AP3S2: variants seen among roughly 807,000 people sequenced by gnomAD.
AP3S2 encodes the protein AP-3 complex subunit sigma-2.
AP3S2 carries 22 observed loss-of-function variants against 23.4 expected under a neutral mutation model. That is an observed-to-expected ratio of 0.94 (90% CI 0.67 to 1.34). The LOEUF is 1.34. Ranked by LOEUF, AP3S2 falls within the 40% of genes most tolerant of loss-of-function variation. AP3S2 has a pLI of 0.00. For synonymous variants in AP3S2, 86 were observed against 87.1 expected (o/e 0.99, Z 0.07); for missense variants, 241 against 236.9 (o/e 1.02, Z -0.11).
At chr15:89,878,343 G>C in intron 3 of AP3S2, 1 of 613,600 alleles carries the variant, frequency 1.6e-6, no homozygotes, top group Non-Finnish European at 2.8e-6. Flanking sequence ...GAAAATATTT[G>C]CAATAAATAT....
chr15:89,888,426 A>G (rs1043494946), intron 3 of AP3S2, 95 bp downstream of exon 3: 45 of 1,222,456 alleles, frequency 3.7e-5, no homozygotes, highest in South Asian at 1.5e-4. Context: ...ACTAGTATCA[A>G]TAAGGAGATG....
chr15:89,858,513 GAGAGAGAGAGAGAAAGAAAGAAAGAA>G (rs1348486617), intron 4 of AP3S2, among the ~76,000 whole-genome samples: 825 of 51,952 alleles, frequency 0.016, 5 homozygotes, highest in Middle Eastern at 0.049. Flanking sequence ...GAGAGAGAGA[GAGAGAGAGAGAGAAAGAAAGAAAGAA>G]AGAAAGAAAG....
intron 4 of AP3S2, among the ~76,000 whole-genome samples, chr15:89,839,186 A>G (rs1895266709): frequency 6.6e-6 from 1 of 152,202 alleles, no homozygotes; most frequent in South Asian, 2.1e-4. Context: ...TCTGTCAGCA[A>G]TGCAGAGTCA....
At chr15:89,873,348 G>A (rs574827165) in intron 3 of AP3S2, among the ~76,000 whole-genome samples, 3 of 149,396 alleles carry the variant, frequency 2.0e-5, no homozygotes, top group Non-Finnish European at 4.4e-5. Flanking sequence ...GCAGTGCCAC[G>A]ATCTTGGCTC....
At chr15:89,887,963 G>A (rs989395554) in intron 3 of AP3S2, among the ~76,000 whole-genome samples, 1 of 152,236 alleles carries the variant, frequency 6.6e-6, no homozygotes, top group Non-Finnish European at 1.5e-5. Flanking sequence ...GAGCCTATAA[G>A]CCCATAGGTG....
At chr15:89,836,623 G>A (rs1034434801) in intron 5 of AP3S2, among the ~76,000 whole-genome samples, 2 of 152,126 alleles carry the variant, frequency 1.3e-5, no homozygotes, top group African/African-American at 2.4e-5. Flanking sequence ...TGGAGGGAAC[G>A]GCAAAAGTGG....
At chr15:89,868,449 C>A (rs1896216514) in intron 4 of AP3S2, among the ~76,000 whole-genome samples, 1 of 81,434 alleles carries the variant, frequency 1.2e-5, no homozygotes, top group Non-Finnish European at 2.6e-5. Flanking sequence ...GGCGCCTCTG[C>A]CCGGCCACCC....
chr15:89,847,375 CAAAAAAAAAAAAAAAAAA>C (rs11314336), intron 4 of AP3S2, among the ~76,000 whole-genome samples: 5 of 62,598 alleles, frequency 8.0e-5, no homozygotes, highest in Admixed American at 2.6e-4. Context: ...GACCCTGTTA[CAAAAAAAAAAAAAAAAAA>C]AAAAAAAAAA....
intron 4 of AP3S2, chr15:89,845,747 A>G (rs1031221403): frequency 6.6e-6 from 1 of 152,170 alleles, no homozygotes; most frequent in African/African-American, 2.4e-5. Flanking sequence ...GGTATTCAAA[A>G]CCACAGGAAC....
chr15:89,862,656 T>C (rs1359567681), intron 4 of AP3S2, among the ~76,000 whole-genome samples: 2 of 152,144 alleles, frequency 1.3e-5, no homozygotes, highest in African/African-American at 4.8e-5. Flanking sequence ...GTTTTGAATG[T>C]AGATGACAGA....
intron 1 of AP3S2, 160 bp from the exon 2 acceptor site, chr15:89,889,300 A>T: frequency 1.4e-6 from 1 of 718,714 alleles, no homozygotes; most frequent in Non-Finnish European, 2.3e-6. Flanking sequence ...AATAGGAGTG[A>T]ATCTATGAAA....
intron 3 of AP3S2, 99 bp from the exon 4 acceptor site, chr15:89,871,645 ATTTAC>A (rs1339709562): frequency 6.6e-6 from 8 of 1,219,012 alleles, no homozygotes; most frequent in Non-Finnish European, 9.2e-6. Context: ...TCACAATACT[ATTTAC>A]TTTATGATAA....
Position 89,835,323 on chromosome 15 carries a change from C to T in AP3S2, c.*192G>A. The T allele has an allele frequency of 2.1e-6, 2 of 931,756 alleles. No homozygotes were observed. Among genetic ancestry groups the T allele is most frequent in the East Asian group, 2.6e-5 (1 of 38,428 alleles). 57.7% of individuals were successfully genotyped at this position (931,756 alleles called of 1,614,324 possible). On this transcript the variant is annotated 3_prime_UTR_variant, in exon 6 of 6. Coordinates refer to ENST00000336418, the MANE Select transcript of AP3S2 (RefSeq NM_005829.5). The stretch of plus-strand genomic sequence containing the variant: ...AACGGCATGACTGCACATGTGAGAA[C>T]TGGGTGCACCCGAGCAGTGTCAATA...
At chr15:89,884,161 G>C (rs1379546330) in intron 3 of AP3S2, 1 of 153,120 alleles carries the variant, frequency 6.5e-6, no homozygotes, top group African/African-American at 2.4e-5. Flanking sequence ...AATCAAAAAT[G>C]CTTCTTATTC....
chr15:89,858,998 T>C (rs973178548), intron 4 of AP3S2, among the ~76,000 whole-genome samples: 20 of 151,952 alleles, frequency 1.3e-4, no homozygotes, highest in African/African-American at 4.6e-4. Flanking sequence ...TCTGGAACAA[T>C]CCTTGCTTTT....
Position 89,871,544 on chromosome 15 carries a change from A to T in AP3S2, c.276T>A (p.Val92=). 2 of 1,613,122 alleles carry T rather than the reference A, an allele frequency of 1.2e-6. No individual in the cohort carries two copies. Among genetic ancestry groups the T allele is most frequent in the Non-Finnish European group, 1.7e-6 (2 of 1,179,742 alleles). ...AACACTTATCCAGAGTTTCCACAAAAACCTAGAAAACAAGGAGAAATAGAT... is the reference window on the plus strand; with the variant it reads ...AACACTTATCCAGAGTTTCCACAAATACCTAGAAAACAAGGAGAAATAGAT... ...SELGILDLIQ[V]FVETLDKCFE... Residue 92 remains valine, a splice_region_variant and synonymous_variant, in exon 4 of 6, where the codon GTT becomes GTA. Transcript: ENST00000336418.
chr15:89,868,121 G>A (rs1896194968), intron 4 of AP3S2, among the ~76,000 whole-genome samples: 1 of 110,120 alleles, frequency 9.1e-6, no homozygotes, highest in African/African-American at 3.3e-5. Context: ...AGATGGGGGG[G>A]TCAGCCCCCC....
intron 3 of AP3S2, among the ~76,000 whole-genome samples, chr15:89,879,015 GGATTACGGGC>G (rs1466303901): frequency 6.6e-6 from 1 of 152,204 alleles, no homozygotes; most frequent in Non-Finnish European, 1.5e-5. Flanking sequence ...CAAAGCGTTG[GGATTACGGGC>G]GTGGGCCGCC....
At chr15:89,852,418 T>C (rs557370084) in intron 4 of AP3S2, 1 of 152,356 alleles carries the variant, frequency 6.6e-6, no homozygotes, top group East Asian at 1.9e-4. Context: ...GATCCTTCAC[T>C]CTGGTGACAG....
Sources: gnomAD v4.1 joint callset for allele counts (sites outside exome capture counted in the v4.1 genomes callset) on GRCh38, gnomAD v4.1.1 for gene constraint, MANE v1.5 for transcripts, NCBI Gene and HGNC (gene_info 2026-07-23, HGNC 2026-07-21) for gene names.